ARGLU1: variants seen among roughly 807,000 people sequenced by gnomAD.
The protein encoded by ARGLU1 is arginine and glutamate-rich protein 1.
Under a neutral mutation model 37.6 loss-of-function variants are expected in ARGLU1, and 9 were observed. The ratio of observed to expected loss-of-function variants is 0.24; its 90% CI spans 0.14 to 0.42. The LOEUF (loss-of-function observed/expected upper bound fraction) is 0.42, where lower values mean the gene tolerates loss of function less well. Among genes scored for constraint, ARGLU1 ranks in the 10% least tolerant of loss-of-function variants. ARGLU1 has a pLI of 1.00. For synonymous variants in ARGLU1, 166 were observed against 138.5 expected, an observed-to-expected ratio of 1.20 and a Z score of -1.39; for missense variants, 211 against 359.2, an observed-to-expected ratio of 0.59 and a Z score of 3.34.
At chr13:106,550,594 A>G (rs1253221413) in intron 3 of ARGLU1, among the ~76,000 whole-genome samples, 2 of 152,108 alleles carry the variant, frequency 1.3e-5, no homozygotes, top group Non-Finnish European at 2.9e-5. Context: ...TTCTTTTTCC[A>G]ACTGTGTTCA....
intron 1 of ARGLU1, among the ~76,000 whole-genome samples, chr13:106,562,795 T>C (rs1880846752): frequency 1.3e-5 from 2 of 151,292 alleles, no homozygotes; most frequent in Admixed American, 6.6e-5. Flanking sequence ...ATCGAGACCA[T>C]CCTGGCTAAC....
chr13:106,567,246 C>CA lies in ARGLU1; in HGVS notation c.347+326dup, dbSNP rs1292273228. ...TCGCTCCCGGCCTCACAAGCCAACGCAGCTCTCCGACCTCACTCCGAACTC... is the reference window on the plus strand; with the variant it reads ...TCGCTCCCGGCCTCACAAGCCAACGCAAGCTCTCCGACCTCACTCCGAACTC... On this transcript the variant is annotated intron_variant, in intron 1 of 3. Transcript: ENST00000400198. This position sits in a 1 kb window ranked among gnomAD's most constrained non-coding sequence, Gnocchi z 4.3. 1.3e-5 allele frequency among the ~76,000 whole-genome samples: 2 copies of CA among 152,086 alleles called. No homozygotes were observed. Among genetic ancestry groups the CA allele is most frequent in the Non-Finnish European group, 2.9e-5 (2 of 68,008 alleles).
chr13:106,547,314 A>G lies in ARGLU1; in HGVS notation c.658-3154T>C, dbSNP rs148107650. Among the ~76,000 whole-genome samples the G allele has an allele frequency of 4.2e-3, 643 of 152,334 alleles. 1 individual carries two copies. Among genetic ancestry groups the G allele is most frequent in the Non-Finnish European group, 7.3e-3 (497 of 68,022 alleles). ...ACTATCAAAATTACATCTTCGTAAT[A>G]CTTTATGCCAGCAAGTACATTTTCT... is the stretch of plus-strand genomic sequence containing the variant. On this transcript the variant is annotated intron_variant, in intron 3 of 3. Transcript: ENST00000400198.
chr13:106,561,710 T>A (rs1320311102), intron 1 of ARGLU1: 1 of 152,194 alleles, frequency 6.6e-6, no homozygotes, highest in Non-Finnish European at 1.5e-5. Context: ...AGAGACCTGA[T>A]ACACACTCAA....
At chr13:106,549,319 A>G (rs1161673145) in intron 3 of ARGLU1, among the ~76,000 whole-genome samples, 2 of 152,226 alleles carry the variant, frequency 1.3e-5, no homozygotes, top group African/African-American at 4.8e-5. Flanking sequence ...CAGAAATGTG[A>G]TTTCTACATT....
Position 106,567,858 on chromosome 13 carries a change from T to C in ARGLU1, c.62A>G (p.Asn21Ser). ...RSKHTKSSKH[N>S]KKRSRSRSRS... is the part of the protein sequence containing the mutation. ...CGACCGGGACCGGCTGCGCTTCTTGTTGTGCTTGCTGCTCTTGGTGTGCTT... is the reference window on the plus strand; with the variant it reads ...CGACCGGGACCGGCTGCGCTTCTTGCTGTGCTTGCTGCTCTTGGTGTGCTT... The change falls in exon 1 of 4, where the codon AAC becomes AGC. Residue 21 changes from asparagine to serine, a missense_variant. Asn to Ser is a conservative substitution (Grantham distance 46). Coordinates refer to ENST00000400198, the MANE Select transcript of ARGLU1 (RefSeq NM_018011.4). This position sits in a 1 kb window ranked among gnomAD's most constrained non-coding sequence, Gnocchi z 4.3. 6.2e-7 allele frequency: 1 copy of C among 1,613,228 alleles called. No individual in the cohort carries two copies.
intron 3 of ARGLU1, among the ~76,000 whole-genome samples, chr13:106,546,832 C>T (rs142634484): frequency 0.012 from 1,795 of 152,208 alleles, 32 homozygotes; most frequent in African/African-American, 0.04. Flanking sequence ...ACAAATATAC[C>T]ATTTTTTACC....
chr13:106,545,994 T>A (rs1196562098), intron 3 of ARGLU1, among the ~76,000 whole-genome samples: 1 of 152,208 alleles, frequency 6.6e-6, no homozygotes, highest in African/African-American at 2.4e-5. Context: ...TTCTTCCACT[T>A]TATCCTTAAA....
rs1263127012 is a variant in ARGLU1, at chr13:106,555,530, T to C, written c.657+1518A>G. Reference sequence around the variant, plus strand: ...AGGGTTTTAGAAGTTTTTACAGCAATATGACCTCATTTTTCTAGTAATTCA... The same window carrying C: ...AGGGTTTTAGAAGTTTTTACAGCAACATGACCTCATTTTTCTAGTAATTCA... On this transcript the variant is annotated intron_variant, in intron 3 of 3. Transcript: ENST00000400198. Among the ~76,000 whole-genome samples the C allele has an allele frequency of 2.0e-5, 3 of 152,176 alleles. No homozygotes were observed. The East Asian group carries it at 5.8e-4, about 29-fold the overall frequency.
rs1054914896 is a variant in ARGLU1 at position 106,567,999 on chromosome 13, C to A, written c.-80G>T. 2.0e-6 allele frequency: 3 copies of A among 1,504,786 alleles called. No homozygotes were observed. Among genetic ancestry groups the A allele is most frequent in the East Asian group, 2.5e-5 (1 of 40,434 alleles). 93.2% of individuals were successfully genotyped at this position (1,504,786 alleles called of 1,614,324 possible). A position where few individuals can be genotyped will look rare whatever the true frequency, so the allele number is the denominator to read the frequency against. On this transcript the variant is annotated 5_prime_UTR_variant, in exon 1 of 4. Transcript: ENST00000400198. The surrounding 1 kb of genome is among the most constrained non-coding windows in gnomAD (Gnocchi z 4.3). ...CCTCGCCTCCGCCTTCGGACGCGGG[C>A]TGGCGGTTCTACCGAGGCCGGAGGA...
At chr13:106,565,391 T>C (rs1356397376) in intron 1 of ARGLU1, among the ~76,000 whole-genome samples, 1 of 152,200 alleles carries the variant, frequency 6.6e-6, no homozygotes. Context: ...GTCATATTCT[T>C]ATATCCTCCA....
rs151171241 is a variant in ARGLU1 at position 106,566,270 on chromosome 13, ATAT to A, written c.347+1300_347+1302del. On this transcript the variant is annotated intron_variant, in intron 1 of 3. Transcript: ENST00000400198. Reference sequence around the variant, plus strand: ...AGCTCCAGGTACAGCTTCCTCTGTAATATTAGTGCTCCAGTCCTACCTTTTAGT... The same window carrying A: ...AGCTCCAGGTACAGCTTCCTCTGTAATAGTGCTCCAGTCCTACCTTTTAGT... 6.2e-3 allele frequency among the ~76,000 whole-genome samples: 937 copies of A among 152,322 alleles called. 12 individuals are homozygous for A. Among genetic ancestry groups the A allele is most frequent in the African/African-American group, 0.022 (896 of 41,562 alleles).
chr13:106,554,096 C>T (rs1566472601), intron 3 of ARGLU1, among the ~76,000 whole-genome samples: 1 of 152,172 alleles, frequency 6.6e-6, no homozygotes, highest in Non-Finnish European at 1.5e-5. Context: ...GGAAGGTTTC[C>T]GAGGCCACCC....
intron 3 of ARGLU1, 51 bp from the exon 4 acceptor site, chr13:106,544,211 TATGTA>T: frequency 6.9e-7 from 1 of 1,446,814 alleles, no homozygotes; most frequent in Non-Finnish European, 9.2e-7. Context: ...AAAATTATCA[TATGTA>T]CCCCTGCAAC....
chr13:106,550,289 CGT>C (rs1660031657), intron 3 of ARGLU1, among the ~76,000 whole-genome samples: 1 of 152,140 alleles, frequency 6.6e-6, no homozygotes, highest in Non-Finnish European at 1.5e-5. Flanking sequence ...TCAGTGGCTT[CGT>C]GTTTCCAATT....
intron 1 of ARGLU1, among the ~76,000 whole-genome samples, chr13:106,562,357 G>A (rs1880829980): frequency 6.6e-6 from 1 of 152,130 alleles, no homozygotes; most frequent in Non-Finnish European, 1.5e-5. Flanking sequence ...AATTAAGCAT[G>A]AGTTCATCTT....
chr13:106,559,233 A>G (rs1252025117), intron 2 of ARGLU1, 199 bp downstream of exon 2: 3 of 1,525,664 alleles, frequency 2.0e-6, no homozygotes, highest in Non-Finnish European at 2.6e-6. Context: ...TATGTTTTAT[A>G]AAAGCTTCCA....
rs773847676 is a variant in ARGLU1 at position 106,567,955 on chromosome 13, C to A, written c.-36G>T. The A allele has an allele frequency of 3.2e-6, 5 of 1,562,104 alleles. No individual in the cohort carries two copies. The highest frequency in any genetic ancestry group is 2.6e-6 in the Non-Finnish European group (3 of 1,166,398). ...GACGCTCTAACCGCTCGCCTCAGGC[C>A]CCTCACGCGGCCAGTTCCCCTCGCC... On this transcript the variant is annotated 5_prime_UTR_variant, in exon 1 of 4. Transcript: ENST00000400198. This position sits in a 1 kb window ranked among gnomAD's most constrained non-coding sequence, Gnocchi z 4.3.
At chr13:106,551,117 C>A (rs73588132) in intron 3 of ARGLU1, among the ~76,000 whole-genome samples, 3 of 152,198 alleles carry the variant, frequency 2.0e-5, no homozygotes, top group African/African-American at 4.8e-5. Flanking sequence ...TCTAGCAATA[C>A]CCCTGGCCTT....
Sources: allele counts gnomAD v4.1 joint callset (sites outside exome capture counted in the v4.1 genomes callset), GRCh38; gene constraint gnomAD v4.1.1; non-coding constraint Gnocchi (gnomAD v3.1); transcripts MANE v1.5; gene names NCBI Gene and HGNC (gene_info 2026-07-23, HGNC 2026-07-21).